Variants in BCKDHB observed in about 807,000 individuals in gnomAD.
The protein encoded by BCKDHB is 2-oxoisovalerate dehydrogenase subunit beta, mitochondrial.
BCKDHB carries 41 observed loss-of-function variants against 48.5 expected under a neutral mutation model. The ratio of observed to expected loss-of-function variants is 0.85; its 90% CI spans 0.66 to 1.10. The LOEUF (loss-of-function observed/expected upper bound fraction) is 1.10, where lower values mean the gene tolerates loss of function less well. Among genes scored for constraint, BCKDHB ranks in the 50% least tolerant of loss-of-function variants. BCKDHB has a pLI of 0.00. For synonymous variants in BCKDHB, 201 were observed against 174.8 expected (o/e 1.15, Z -1.18); for missense variants, 496 against 494.2 (o/e 1.00, Z -0.03).
intron 9 of BCKDHB, among the ~76,000 whole-genome samples, chr6:80,342,556 G>GAAAAAAAAAAA (rs34127398): frequency 8.3e-5 from 2 of 24,098 alleles, no homozygotes; most frequent in Non-Finnish European, 1.5e-4. Flanking sequence ...CCTCATTTCT[G>GAAAAAAAAAAA]AAAAAAAAAA....
chr6:80,191,655 T>C (rs1190455227), intron 6 of BCKDHB, among the ~76,000 whole-genome samples: 3 of 152,166 alleles, frequency 2.0e-5, no homozygotes, highest in African/African-American at 4.8e-5. Context: ...TGTTATCTGC[T>C]TATGTGCCAA....
At chr6:80,308,389 A>C (rs528385787) in intron 9 of BCKDHB, among the ~76,000 whole-genome samples, 79 of 152,266 alleles carry the variant, frequency 5.2e-4, no homozygotes, top group African/African-American at 1.9e-3. Flanking sequence ...TACAAGCCTC[A>C]GAAGAAATAA....
downstream of BCKDHB, among the ~76,000 whole-genome samples, chr6:80,347,817 A>G (rs567344869): frequency 1.4e-4 from 22 of 152,296 alleles, no homozygotes; most frequent in Non-Finnish European, 2.4e-4. Context: ...TAAGACATAC[A>G]TACACATTTA....
chr6:80,216,936 ATTACTTTTCTAGT>A (rs1312262677), intron 8 of BCKDHB, among the ~76,000 whole-genome samples: 4 of 152,150 alleles, frequency 2.6e-5, no homozygotes, highest in African/African-American at 7.2e-5. Flanking sequence ...ACAAAAGGAT[ATTACTTTTCTAGT>A]TTATTCCAAA....
At chr6:80,339,057 CAG>C (rs1419546562) in intron 9 of BCKDHB, among the ~76,000 whole-genome samples, 1 of 151,884 alleles carries the variant, frequency 6.6e-6, no homozygotes, top group Non-Finnish European at 1.5e-5. Flanking sequence ...ATGCCTGAGA[CAG>C]AGGTTTCAGT....
intron 8 of BCKDHB, among the ~76,000 whole-genome samples, chr6:80,257,147 G>A (rs193095420): frequency 1.5e-3 from 234 of 152,176 alleles, no homozygotes; most frequent in Non-Finnish European, 2.4e-3. Flanking sequence ...TTGAGTAGCT[G>A]CTATGCACTG....
chr6:80,333,026 G>A (rs898278513), intron 9 of BCKDHB, among the ~76,000 whole-genome samples: 2 of 152,040 alleles, frequency 1.3e-5, no homozygotes, highest in African/African-American at 4.8e-5. Context: ...CCCCAAAAAG[G>A]AATTAAACGG....
intron 9 of BCKDHB, among the ~76,000 whole-genome samples, chr6:80,275,286 A>C (rs573017888): frequency 1.5e-4 from 23 of 152,198 alleles, no homozygotes; most frequent in African/African-American, 5.5e-4. Context: ...GTCTTGAATA[A>C]ATGTAAAGTG....
intron 3 of BCKDHB, among the ~76,000 whole-genome samples, chr6:80,166,656 CA>C (rs35271028): frequency 0.41 from 57,042 of 140,680 alleles, 12,086 homozygotes; most frequent in Admixed American, 0.58. Context: ...AACTCCATCT[CA>C]AAAAAAAAAA....
chr6:80,369,704 C>G, the BCKDHB span, among the ~76,000 whole-genome samples: 1 of 152,172 alleles, frequency 6.6e-6, no homozygotes, highest in Non-Finnish European at 1.5e-5. Context: ...TAATGTGCTG[C>G]TTGTATTATA....
At chr6:80,314,973 A>G (rs1051512006) in intron 9 of BCKDHB, among the ~76,000 whole-genome samples, 3 of 152,176 alleles carry the variant, frequency 2.0e-5, no homozygotes, top group African/African-American at 7.2e-5. Flanking sequence ...TGAGTTGTTT[A>G]AACTGCAGAG....
intron 6 of BCKDHB, among the ~76,000 whole-genome samples, chr6:80,195,518 GTTGA>G (rs1452550023): frequency 6.6e-6 from 1 of 152,156 alleles, no homozygotes; most frequent in African/African-American, 2.4e-5. Flanking sequence ...TTAGTTTATA[GTTGA>G]TTATCAGTTT....
chr6:80,449,999 C>G, the BCKDHB span, among the ~76,000 whole-genome samples: 1 of 151,976 alleles, frequency 6.6e-6, no homozygotes, highest in Non-Finnish European at 1.5e-5. Flanking sequence ...ATAATGAACT[C>G]ATGGACTTTC....
the BCKDHB span, among the ~76,000 whole-genome samples, chr6:80,360,453 TTATAAG>T: frequency 5.9e-5 from 9 of 152,312 alleles, no homozygotes; most frequent in South Asian, 1.7e-3. Flanking sequence ...GGTACTCCTG[TTATAAG>T]TATAATAATT....
intron 5 of BCKDHB, 122 bp downstream of exon 5, chr6:80,169,152 A>C (rs931598051): frequency 1.5e-6 from 2 of 1,318,282 alleles, no homozygotes; most frequent in Middle Eastern, 2.6e-4. Context: ...ATTTATGTGA[A>C]CTTAACTGTA....
At chr6:80,447,349 G>C in the BCKDHB span, among the ~76,000 whole-genome samples, 1 of 151,764 alleles carries the variant, frequency 6.6e-6, no homozygotes, top group East Asian at 1.9e-4. Context: ...AAACAGCTTT[G>C]AGTATACAAG....
chr6:80,144,005 A>G (rs1036642241), intron 3 of BCKDHB, among the ~76,000 whole-genome samples: 9 of 152,148 alleles, frequency 5.9e-5, no homozygotes, highest in East Asian at 3.9e-4. Context: ...TTTCTAAGCC[A>G]AAAGGAAACA....
the BCKDHB span, among the ~76,000 whole-genome samples, chr6:80,430,457 C>T: frequency 1.3e-5 from 2 of 152,236 alleles, no homozygotes; most frequent in Admixed American, 6.5e-5. Flanking sequence ...CCTCTTTGTA[C>T]CTCTGGTAGA....
chr6:80,383,481 A>G, the BCKDHB span, among the ~76,000 whole-genome samples: 2 of 152,134 alleles, frequency 1.3e-5, no homozygotes, highest in East Asian at 1.9e-4. Flanking sequence ...TCAAATGACT[A>G]TAACTATATA....
Sources: allele counts gnomAD v4.1 joint callset (sites outside exome capture counted in the v4.1 genomes callset), GRCh38; gene constraint gnomAD v4.1.1; transcripts MANE v1.5; gene names NCBI Gene and HGNC (gene_info 2026-07-23, HGNC 2026-07-21).